The following ATP5MC2 variants were observed in gnomAD, a reference collection of about 807,000 sequenced individuals.
ATP5MC2 encodes ATP synthase F(0) complex subunit C2, mitochondrial.
ATP5MC2 carries 11 observed loss-of-function variants against 13.5 expected under a neutral mutation model. That is an observed-to-expected ratio of 0.81 (90% confidence interval 0.51 to 1.35). The LOEUF is 1.35. Ranked by LOEUF, ATP5MC2 falls within the 40% of genes most tolerant of loss-of-function variation. The probability of loss-of-function intolerance (pLI) is 0.00; values close to 1 mark genes in which losing one functional copy is unlikely to be tolerated. For synonymous variants in ATP5MC2, 64 were observed against 69.7 expected, an observed-to-expected ratio of 0.92 and a Z score of 0.41; for missense variants, 132 against 175.0, an observed-to-expected ratio of 0.75 and a Z score of 1.39.
intron 2 of ATP5MC2, among the ~76,000 whole-genome samples, chr12:53,672,279 T>C (rs1219798649): frequency 6.6e-6 from 1 of 152,046 alleles, no homozygotes; most frequent in Admixed American, 6.6e-5. Flanking sequence ...TGGAGTGCAG[T>C]GGTGCGATCT....
At position 53,676,033 on chromosome 12, in the gene ATP5MC2, TCTAGGTCCCAAGGC is replaced by T; in HGVS notation, c.-32+6_-32+19del. The T allele has an allele frequency of 6.2e-7, 1 of 1,611,844 alleles. No homozygotes were observed. Among genetic ancestry groups the T allele is most frequent in the South Asian group, 1.1e-5 (1 of 90,908 alleles). ...CGCGCGTGCGCAGCGCACAGAGGGC[TCTAGGTCCCAAGGC>T]CTTACCTGCTCCCACTGCAGAGAAG... On this transcript the variant is annotated splice_donor_region_variant and intron_variant, in intron 1 of 4. Coordinates refer to ENST00000394349, the MANE Select transcript of ATP5MC2 (RefSeq NM_005176.7).
intron 1 of ATP5MC2, among the ~76,000 whole-genome samples, chr12:53,675,125 G>A (rs1945226435): frequency 6.6e-6 from 1 of 152,208 alleles, no homozygotes; most frequent in African/African-American, 2.4e-5. Context: ...TTGGGCAAAG[G>A]CACTATCCAG....
intron 4 of ATP5MC2, among the ~76,000 whole-genome samples, chr12:53,666,134 C>T (rs572026630): frequency 1.3e-5 from 2 of 151,746 alleles, no homozygotes; most frequent in South Asian, 4.2e-4. Context: ...ATGGTGAAAC[C>T]CCGTCTCTAC....
chr12:53,675,908 TA>T, intron 1 of ATP5MC2, 144 bp downstream of exon 1: 1 of 1,290,906 alleles, frequency 7.7e-7, no homozygotes, highest in Non-Finnish European at 1.0e-6. Context: ...GAGCCAACTC[TA>T]AGGCTAAGGG....
chr12:53,678,779 A>C (rs1359688156), upstream of ATP5MC2, among the ~76,000 whole-genome samples: 2 of 152,200 alleles, frequency 1.3e-5, no homozygotes, highest in Non-Finnish European at 2.9e-5. Flanking sequence ...CACTTCACAA[A>C]GGGAAAACCG....
In ATP5MC2 at chr12:53,667,985, ATATATATAT is replaced by A. The variant is rs1565625334; in HGVS notation, c.311+1154_311+1162del. Among the ~76,000 whole-genome samples the A allele has an allele frequency of 9.9e-4, 56 of 56,372 alleles. 1 individual carries two copies. The highest frequency in any genetic ancestry group is 7.9e-3 in the Middle Eastern group (1 of 126). The allele number at this position is 56,372 out of a possible 152,430, so 37.0% of individuals were successfully genotyped here. A position where few individuals can be genotyped will look rare whatever the true frequency, so the allele number is the denominator to read the frequency against. Reference sequence around the variant, plus strand: ...TATATATATATATATATATATATATATATATATATAAATTTTTTTTTTTTTGATGGTCTC... The same window carrying A: ...TATATATATATATATATATATATATAAAATTTTTTTTTTTTTGATGGTCTC... On this transcript the variant is annotated intron_variant, in intron 4 of 4. Transcript: ENST00000394349.
chr12:53,678,593 G>T (rs556228947), upstream of ATP5MC2, among the ~76,000 whole-genome samples: 173 of 151,870 alleles, frequency 1.1e-3, 1 homozygote, highest in African/African-American at 3.7e-3. Context: ...GAGAATCCTG[G>T]GACTATTACT....
intron 1 of ATP5MC2, among the ~76,000 whole-genome samples, chr12:53,675,805 A>T (rs1324232742): frequency 6.6e-6 from 1 of 152,232 alleles, no homozygotes; most frequent in Admixed American, 6.5e-5. Context: ...GCACTCCAGG[A>T]TCTAACTTTG....
chr12:53,668,609 A>C (rs1249203753), intron 4 of ATP5MC2, among the ~76,000 whole-genome samples: 1 of 151,944 alleles, frequency 6.6e-6, no homozygotes, highest in African/African-American at 2.4e-5. Flanking sequence ...CAAACATTCT[A>C]TATTTGCATT....
chr12:53,668,220 G>A (rs536609074), intron 4 of ATP5MC2, among the ~76,000 whole-genome samples: 17 of 149,562 alleles, frequency 1.1e-4, no homozygotes, highest in Admixed American at 4.0e-4. Flanking sequence ...AACTCCTGAC[G>A]TCAGGTGATC....
chr12:53,677,931 G>C (rs914287063), upstream of ATP5MC2, among the ~76,000 whole-genome samples: 4 of 152,216 alleles, frequency 2.6e-5, no homozygotes, highest in Admixed American at 2.0e-4. Context: ...CAGTGGCAGA[G>C]AAAGTCCACA....
At chr12:53,670,075 G>T (rs1565626725) in intron 2 of ATP5MC2, 127 bp from the exon 3 acceptor site, 2 of 791,356 alleles carry the variant, frequency 2.5e-6, no homozygotes, top group African/African-American at 1.7e-5. Flanking sequence ...ATCTTCACAT[G>T]TACGTTAGAG....
chr12:53,674,710 A>G (rs1182467162), intron 1 of ATP5MC2, among the ~76,000 whole-genome samples: 2 of 152,198 alleles, frequency 1.3e-5, no homozygotes, highest in Non-Finnish European at 2.9e-5. Flanking sequence ...TTGGCCTCCC[A>G]GTGTTGGGAT....
At chr12:53,666,490 C>T (rs992934055) in intron 4 of ATP5MC2, among the ~76,000 whole-genome samples, 53 of 151,054 alleles carry the variant, frequency 3.5e-4, no homozygotes, top group Non-Finnish European at 6.9e-4. Context: ...GGCAGGAGAA[C>T]GGCGTGAACC....
At chr12:53,668,663 C>T (rs894338165) in intron 4 of ATP5MC2, among the ~76,000 whole-genome samples, 1 of 152,076 alleles carries the variant, frequency 6.6e-6, no homozygotes, top group Non-Finnish European at 1.5e-5. Flanking sequence ...ACTGAGCACT[C>T]GAAATATGGT....
chr12:53,676,158 AGAGT>A, upstream of ATP5MC2: 1 of 1,614,232 alleles, frequency 6.2e-7, no homozygotes, highest in Non-Finnish European at 8.5e-7. Context: ...AGCCACGGAT[AGAGT>A]GATTGCAACA....
At chr12:53,678,969 T>G (rs1945324396), upstream of ATP5MC2, among the ~76,000 whole-genome samples, 1 of 152,120 alleles carries the variant, frequency 6.6e-6, no homozygotes, top group African/African-American at 2.4e-5. Context: ...ATGAGATTGA[T>G]CTTTCCTTTC....
At chr12:53,672,858 T>C in intron 1 of ATP5MC2, 1 of 537,576 alleles carries the variant, frequency 1.9e-6, no homozygotes, top group East Asian at 3.3e-5. Context: ...TGACTTCCCC[T>C]GGTCTGAACA....
At chr12:53,669,797 C>T in intron 3 of ATP5MC2, 74 bp downstream of exon 3, 2 of 1,486,226 alleles carry the variant, frequency 1.3e-6, no homozygotes, top group Non-Finnish European at 1.9e-6. Context: ...CAGCATTCTA[C>T]CTCCTGGTTC....
Sources: allele counts gnomAD v4.1 joint callset (sites outside exome capture counted in the v4.1 genomes callset), GRCh38; gene constraint gnomAD v4.1.1; transcripts MANE v1.5; gene names NCBI Gene and HGNC (gene_info 2026-07-23, HGNC 2026-07-21).